Variants in TAOK1 observed in about 807,000 individuals in gnomAD.
TAOK1 encodes serine/threonine-protein kinase TAO1.
Under a neutral mutation model 138.3 loss-of-function variants are expected in TAOK1, and 21 were observed. The ratio of observed to expected loss-of-function variants is 0.15; its 90% CI spans 0.11 to 0.22. The LOEUF is 0.22. Ranked by LOEUF, TAOK1 falls within the 10% of genes least tolerant of loss-of-function variation. The probability of loss-of-function intolerance (pLI) is 1.00; values close to 1 mark genes in which losing one functional copy is unlikely to be tolerated. For missense variants in TAOK1, 651 were observed against 1,227.7 expected (o/e 0.53, Z 7.02); for synonymous variants, 361 against 398.4 (o/e 0.91, Z 1.12).
At chr17:29,419,832 C>T (rs1361216382) in intron 1 of TAOK1, among the ~76,000 whole-genome samples, 2 of 152,028 alleles carry the variant, frequency 1.3e-5, no homozygotes, top group Non-Finnish European at 2.9e-5. Flanking sequence ...TCTCCCCCCT[C>T]CACCAAATTT....
chr17:29,460,532 C>T (rs577690459), intron 2 of TAOK1, among the ~76,000 whole-genome samples: 7 of 152,120 alleles, frequency 4.6e-5, no homozygotes, highest in Admixed American at 2.6e-4. Context: ...AGTTGGTATG[C>T]CTAGGATCAA....
At chr17:29,482,934 C>A (rs545164621) in intron 8 of TAOK1, among the ~76,000 whole-genome samples, 1 of 152,126 alleles carries the variant, frequency 6.6e-6, no homozygotes, top group South Asian at 2.1e-4. Flanking sequence ...AAAGAGTGGA[C>A]CATCATAACT....
chr17:29,489,100 T>G (rs1384171404), intron 8 of TAOK1, among the ~76,000 whole-genome samples: 2 of 152,212 alleles, frequency 1.3e-5, no homozygotes, highest in African/African-American at 4.8e-5. Flanking sequence ...TGTATTACGA[T>G]GCTTTAGGAA....
At chr17:29,541,506 T>C (rs2032316457) in intron 19 of TAOK1, among the ~76,000 whole-genome samples, 1 of 151,960 alleles carries the variant, frequency 6.6e-6, no homozygotes, top group East Asian at 1.9e-4. Context: ...TTTCCCCTAT[T>C]ATCTCAAATC....
Position 29,517,765 on chromosome 17 carries a change from T to C in TAOK1, c.1908+109T>C, listed in dbSNP as rs2031843778. 9.7e-6 allele frequency: 9 copies of C among 926,782 alleles called. No individual in the cohort carries two copies. The East Asian group carries it at 2.0e-4, about 21-fold the overall frequency. 57.4% of individuals were successfully genotyped at this position (926,782 alleles called of 1,614,324 possible). On this transcript the variant is annotated intron_variant, in intron 16 of 19. Transcript: ENST00000261716. The stretch of plus-strand genomic sequence containing the variant: ...GACTTTGCACTTATACTTGCCTCTG[T>C]CTGAATCATTCTTCCCCAGATATTC...
At chr17:29,461,619 T>A (rs1336017549) in intron 2 of TAOK1, among the ~76,000 whole-genome samples, 1 of 152,182 alleles carries the variant, frequency 6.6e-6, no homozygotes, top group East Asian at 1.9e-4. Flanking sequence ...GCCTGAAATT[T>A]CTACTACTTG....
At chr17:29,476,847 A>T (rs1233249415) in intron 4 of TAOK1, among the ~76,000 whole-genome samples, 1 of 149,400 alleles carries the variant, frequency 6.7e-6, no homozygotes, top group Non-Finnish European at 1.5e-5. Flanking sequence ...TTAAAATTTT[A>T]TTTATTTATT....
chr17:29,402,229 A>G (rs928613590), intron 1 of TAOK1, among the ~76,000 whole-genome samples: 1 of 152,186 alleles, frequency 6.6e-6, no homozygotes, highest in Non-Finnish European at 1.5e-5. Flanking sequence ...GGAACGTGTT[A>G]TCAGATATCT....
intron 1 of TAOK1, among the ~76,000 whole-genome samples, chr17:29,450,067 T>TATTTCCTTTTTCCTTTCCTTTCC (rs2030194340): frequency 1.3e-5 from 2 of 152,078 alleles, no homozygotes; most frequent in Non-Finnish European, 2.9e-5. Context: ...CTTTCCTTTT[T>TATTTCCTTTTTCCTTTCCTTTCC]ATTTCCTTTT....
chr17:29,467,554 G>A (rs2030701767), intron 3 of TAOK1, among the ~76,000 whole-genome samples: 1 of 152,162 alleles, frequency 6.6e-6, no homozygotes, highest in African/African-American at 2.4e-5. Context: ...TTACAGGCGT[G>A]AGCCACCGCG....
intron 1 of TAOK1, among the ~76,000 whole-genome samples, chr17:29,400,685 GA>G (rs1455251587): frequency 6.6e-6 from 1 of 152,036 alleles, no homozygotes; most frequent in African/African-American, 2.4e-5. Context: ...TCCACCTTCT[GA>G]ATAGTTTTCT....
In TAOK1 at chr17:29,534,177, G is replaced by T; in HGVS notation, c.2421G>T (p.Gln807His). Reference protein sequence around the residue: ...ECQVLKMQLQQELELLNAYQS... With the variant: ...ECQVLKMQLQHELELLNAYQS... ...AGGTTTTGAAGATGCAGCTGCAGCA[G>T]GAACTGGAGCTGTTGAATGCGTATC... Residue 807 changes from glutamine to histidine, a missense_variant, in exon 19 of 20, where the codon CAG becomes CAT. Coordinates refer to ENST00000261716, the MANE Select transcript of TAOK1 (RefSeq NM_020791.4). 6.2e-7 allele frequency: 1 copy of T among 1,613,438 alleles called. No individual in the cohort carries two copies. Among genetic ancestry groups the T allele is most frequent in the Non-Finnish European group, 8.5e-7 (1 of 1,179,744 alleles).
chr17:29,526,351 T>C (rs1383693634), intron 17 of TAOK1, among the ~76,000 whole-genome samples: 2 of 152,196 alleles, frequency 1.3e-5, no homozygotes, highest in African/African-American at 2.4e-5. Context: ...AGGCAGAAGA[T>C]ACTATCTAAA....
At chr17:29,476,727 TTTTTCAATCATCTG>T (rs2030950019) in intron 4 of TAOK1, among the ~76,000 whole-genome samples, 1 of 152,200 alleles carries the variant, frequency 6.6e-6, no homozygotes, top group Admixed American at 6.5e-5. Context: ...CACCTATTAT[TTTTTCAATCATCTG>T]TAGATTAGTT....
intron 2 of TAOK1, among the ~76,000 whole-genome samples, chr17:29,457,154 C>T (rs1238798958): frequency 5.4e-5 from 7 of 129,930 alleles, no homozygotes; most frequent in Admixed American, 1.7e-4. Flanking sequence ...GGCTGCAGTG[C>T]GGTGGCATGA....
intron 1 of TAOK1, among the ~76,000 whole-genome samples, chr17:29,402,410 C>T (rs1340600276): frequency 6.6e-6 from 1 of 152,072 alleles, no homozygotes; most frequent in Non-Finnish European, 1.5e-5. Context: ...TCAGGTGATC[C>T]TTTTACCTCA....
intron 16 of TAOK1, among the ~76,000 whole-genome samples, chr17:29,518,853 G>A (rs925190894): frequency 6.6e-6 from 1 of 151,490 alleles, no homozygotes. Flanking sequence ...TGCAACCTCC[G>A]CCTCCCAGGT....
chr17:29,516,721 G>A (rs549719445), intron 15 of TAOK1, among the ~76,000 whole-genome samples: 5 of 151,478 alleles, frequency 3.3e-5, no homozygotes, highest in South Asian at 2.1e-4. Context: ...CGCTGGTCTC[G>A]AACTCCCAAC....
At chr17:29,483,509 G>C (rs2031107348) in intron 8 of TAOK1, among the ~76,000 whole-genome samples, 1 of 152,160 alleles carries the variant, frequency 6.6e-6, no homozygotes, top group Non-Finnish European at 1.5e-5. Context: ...GGAAAATGAG[G>C]TAAAATGAAG....
Sources: allele counts gnomAD v4.1 joint callset (sites outside exome capture counted in the v4.1 genomes callset), GRCh38; gene constraint gnomAD v4.1.1; transcripts MANE v1.5; gene names NCBI Gene and HGNC (gene_info 2026-07-23, HGNC 2026-07-21).